CDC42EP4: variants seen among roughly 807,000 people sequenced by gnomAD.
CDC42EP4 encodes CDC42 effector protein (Rho GTPase binding) 4.
In CDC42EP4, 6 loss-of-function variants were observed where a neutral mutation model predicts 5.6. That is an observed-to-expected ratio of 1.07 (90% confidence interval 0.59 to 2.12). The LOEUF is 2.12. Ranked by LOEUF, CDC42EP4 falls within the 30% of genes most tolerant of loss-of-function variation. CDC42EP4 has a pLI of 0.00. For synonymous variants in CDC42EP4, 230 were observed against 224.2 expected (o/e 1.03, Z -0.23); for missense variants, 490 against 508.6 (o/e 0.96, Z 0.35).
intron 1 of CDC42EP4, among the ~76,000 whole-genome samples, chr17:73,296,044 G>A (rs759003023): frequency 4.0e-5 from 6 of 151,646 alleles, no homozygotes; most frequent in Non-Finnish European, 7.4e-5. Context: ...TTTCAAAGGC[G>A]AAAAAAGTCA....
chr17:73,296,533 A>C (rs2062186685), intron 1 of CDC42EP4, among the ~76,000 whole-genome samples: 1 of 152,172 alleles, frequency 6.6e-6, no homozygotes, highest in African/African-American at 2.4e-5. Context: ...GCAGTCATGG[A>C]AAGTGGGAAC....
Position 73,297,001 on chromosome 17 carries a change from A to AAAAAACAC in CDC42EP4, c.-112-10390_-112-10389insGTGTTTTT, listed in dbSNP as rs547362762. 8.6e-4 allele frequency among the ~76,000 whole-genome samples: 53 copies of AAAAAACAC among 61,734 alleles called. 14 individuals are homozygous for AAAAAACAC. The highest frequency in any genetic ancestry group is 1.2e-3 in the Admixed American group (5 of 4,336). 40.5% of individuals were successfully genotyped at this position (61,734 alleles called of 152,430 possible). On this transcript the variant is annotated intron_variant, in intron 1 of 1. Coordinates refer to ENST00000335793, the MANE Select transcript of CDC42EP4 (RefSeq NM_012121.5). Reference sequence around the variant, plus strand: ...GTCTCAAAAAAAAAAAAAAAAAAAAAAAATACACAAGGCCAAGCGCCGTGG... The same window carrying AAAAAACAC: ...GTCTCAAAAAAAAAAAAAAAAAAAAAAAAAACACAAATACACAAGGCCAAGCGCCGTGG...
At chr17:73,293,190 C>T (rs1054317612) in intron 1 of CDC42EP4, among the ~76,000 whole-genome samples, 4 of 152,298 alleles carry the variant, frequency 2.6e-5, no homozygotes, top group African/African-American at 7.2e-5. Context: ...ACAAGGAAAC[C>T]GGCGGCTGTT....
intron 1 of CDC42EP4, among the ~76,000 whole-genome samples, chr17:73,298,483 A>G (rs758307451): frequency 3.3e-5 from 5 of 152,200 alleles, no homozygotes; most frequent in African/African-American, 7.2e-5. Flanking sequence ...AGCCTCCCAC[A>G]TAACAGTGGG....
At chr17:73,299,541 G>C (rs1422254597) in intron 1 of CDC42EP4, among the ~76,000 whole-genome samples, 1 of 151,686 alleles carries the variant, frequency 6.6e-6, no homozygotes, top group African/African-American at 2.4e-5. Flanking sequence ...CTAGCTTCAA[G>C]CAATCTTCCT....
chr17:73,296,414 T>C (rs1281521869), intron 1 of CDC42EP4, among the ~76,000 whole-genome samples: 7 of 54,126 alleles, frequency 1.3e-4, no homozygotes, highest in Non-Finnish European at 2.0e-4. Context: ...GGAGACTCCA[T>C]CTCAAAAAAA....
intron 1 of CDC42EP4, among the ~76,000 whole-genome samples, chr17:73,299,140 T>C (rs2062203659): frequency 6.6e-6 from 1 of 151,928 alleles, no homozygotes; most frequent in African/African-American, 2.4e-5. Flanking sequence ...AATAAATACA[T>C]AGGCTGGGTG....
intron 1 of CDC42EP4, chr17:73,310,962 G>C (rs1482550119): frequency 6.6e-6 from 1 of 152,250 alleles, no homozygotes; most frequent in Non-Finnish European, 1.5e-5. Context: ...CCCGGCTGGG[G>C]GCGCTCCGGA....
chr17:73,301,654 C>T (rs1198660379), intron 1 of CDC42EP4, among the ~76,000 whole-genome samples: 1 of 151,496 alleles, frequency 6.6e-6, no homozygotes, highest in Non-Finnish European at 1.5e-5. Context: ...TCAAGCAATT[C>T]TTGTGCTTCA....
intron 1 of CDC42EP4, among the ~76,000 whole-genome samples, chr17:73,299,493 T>C (rs982891723): frequency 6.7e-6 from 1 of 148,984 alleles, no homozygotes; most frequent in African/African-American, 2.5e-5. Flanking sequence ...TTAGTAGAGA[T>C]GGCATCTCGC....
rs1275079063 is a variant in CDC42EP4 at position 73,286,459 on chromosome 17, G to T, written c.42C>A (p.Ser14=). ...LKQLVSSSVH[S]KRRSRADLTA... is the part of the protein sequence containing the mutation. ...TGAGGTCCGCTCGGGAACGGCGCTT[G>T]GAGTGCACCGAGCTGGACACCAGTT... is the stretch of plus-strand genomic sequence containing the variant. Residue 14 remains serine (S), a synonymous_variant, in exon 2 of 2, where the codon TCC becomes TCA. Coordinates refer to ENST00000335793, the MANE Select transcript of CDC42EP4 (RefSeq NM_012121.5). The surrounding 1 kb of genome is among the most constrained non-coding windows in gnomAD (Gnocchi z 7.7). 2 of 1,608,562 alleles carry T rather than the reference G, an allele frequency of 1.2e-6. No homozygotes were observed. Among genetic ancestry groups the T allele is most frequent in the Non-Finnish European group, 1.7e-6 (2 of 1,176,184 alleles).
rs1217469064 is a variant in CDC42EP4, at chr17:73,297,303, A to C, written c.-112-10691T>G. The stretch of plus-strand genomic sequence containing the variant: ...GAGCAAGACTTCGTCTCCAAAAAAA[A>C]AAAAAAACACACACACACAAATTAG... On this transcript the variant is annotated intron_variant, in intron 1 of 1. Coordinates refer to ENST00000335793, the MANE Select transcript of CDC42EP4 (RefSeq NM_012121.5). Among the ~76,000 whole-genome samples, 306 of 149,458 alleles carry C rather than the reference A, an allele frequency of 2.0e-3. 1 individual carries two copies. The highest frequency in any genetic ancestry group is 6.8e-3 in the African/African-American group (276 of 40,456).
chr17:73,298,433 G>A (rs903803157), intron 1 of CDC42EP4, among the ~76,000 whole-genome samples: 1 of 152,208 alleles, frequency 6.6e-6, no homozygotes, highest in African/African-American at 2.4e-5. Context: ...ACCGGAGATC[G>A]GCCTATTTCC....
At chr17:73,293,190 C>G (rs1054317612) in intron 1 of CDC42EP4, among the ~76,000 whole-genome samples, 2 of 152,180 alleles carry the variant, frequency 1.3e-5, no homozygotes, top group Admixed American at 6.5e-5. Flanking sequence ...ACAAGGAAAC[C>G]GGCGGCTGTT....
rs1192720857 is a variant in CDC42EP4, at chr17:73,285,634, C to T, written c.867G>A (p.Ala289=). ...HALEDEGWAA[A]APSPGSARSM... is the part of the protein sequence containing the mutation. Reference sequence around the variant, plus strand: ...TGCGGGCTGAGCCGGGGCTGGGGGCCGCTGCTGCCCACCCCTCATCCTCCA... The same window carrying T: ...TGCGGGCTGAGCCGGGGCTGGGGGCTGCTGCTGCCCACCCCTCATCCTCCA... Residue 289 remains alanine (A), a synonymous_variant, in exon 2 of 2, where the codon GCG becomes GCA. Transcript: ENST00000335793. The surrounding 1 kb of genome is among the most constrained non-coding windows in gnomAD (Gnocchi z 6.8). 24 of 1,598,382 alleles carry T rather than the reference C, an allele frequency of 1.5e-5. No homozygotes were observed. The highest frequency in any genetic ancestry group is 6.7e-5 in the South Asian group (6 of 90,124).
At chr17:73,310,796 C>T (rs2062270362) in intron 1 of CDC42EP4, 1 of 151,096 alleles carries the variant, frequency 6.6e-6, no homozygotes, top group Non-Finnish European at 1.5e-5. Flanking sequence ...CACACACACG[C>T]ACTTCAGTCC....
chr17:73,285,327 A>G lies in CDC42EP4; in HGVS notation c.*103T>C. 1.1e-6 allele frequency: 1 copy of G among 929,972 alleles called. No individual in the cohort carries two copies. Among genetic ancestry groups the G allele is most frequent in the South Asian group, 1.6e-5 (1 of 60,956 alleles). 57.6% of individuals were successfully genotyped at this position (929,972 alleles called of 1,614,324 possible). A position where few individuals can be genotyped will look rare whatever the true frequency, so the allele number is the denominator to read the frequency against. ...AGGTCCAGGGTCCATGGTCTGAATC[A>G]AGGGTCCTGGCTGCCCCTGCGCCGT... On this transcript the variant is annotated 3_prime_UTR_variant, in exon 2 of 2. Transcript: ENST00000335793. The surrounding 1 kb of genome is among the most constrained non-coding windows in gnomAD (Gnocchi z 6.8).
chr17:73,310,991 A>C (rs1312081495), intron 1 of CDC42EP4: 1 of 152,098 alleles, frequency 6.6e-6, no homozygotes, highest in Non-Finnish European at 1.5e-5. Flanking sequence ...GGGGCCAGGG[A>C]CGGCCGATCC....
rs112232466 is a variant in CDC42EP4, at chr17:73,302,031, A to G, written c.-113+9862T>C. On this transcript the variant is annotated intron_variant, in intron 1 of 1. Transcript: ENST00000335793. Reference sequence around the variant, plus strand: ...GTATTTTTAGTAGAGACAGGGTTTCACTGTGTTGGCCAGGCTGGTCTTGAA... The same window carrying G: ...GTATTTTTAGTAGAGACAGGGTTTCGCTGTGTTGGCCAGGCTGGTCTTGAA... Among the ~76,000 whole-genome samples, 226 of 152,156 alleles carry G rather than the reference A, an allele frequency of 1.5e-3. 2 individuals are homozygous for G. The highest frequency in any genetic ancestry group is 5.1e-3 in the African/African-American group (212 of 41,510).
Sources: gnomAD v4.1 joint callset for allele counts (sites outside exome capture counted in the v4.1 genomes callset) on GRCh38, gnomAD v4.1.1 for gene constraint, Gnocchi (gnomAD v3.1) non-coding constraint, MANE v1.5 for transcripts, NCBI Gene and HGNC (gene_info 2026-07-23, HGNC 2026-07-21) for gene names.